Variants in ATP6V0D2 observed in about 807,000 individuals in gnomAD.
ATP6V0D2 encodes ATPase H+ transporting V0 subunit d2.
Under a neutral mutation model 40.0 loss-of-function variants are expected in ATP6V0D2, and 40 were observed. That is an observed-to-expected ratio of 1.00 (90% CI 0.78 to 1.30). ATP6V0D2 has a LOEUF of 1.30. ATP6V0D2 is among the 50% of genes most tolerant of loss of function. The pLI, the probability that ATP6V0D2 is intolerant of heterozygous loss-of-function variation, is 0.00. For synonymous variants in ATP6V0D2, 179 were observed against 156.3 expected (o/e 1.15, Z -1.08); for missense variants, 470 against 423.1 (o/e 1.11, Z -0.97).
intron 1 of ATP6V0D2, among the ~76,000 whole-genome samples, chr8:86,101,862 C>G (rs897005521): frequency 6.6e-6 from 1 of 152,204 alleles, no homozygotes. Context: ...CTAACTCTCT[C>G]TCTTCCCAAT....
chr8:86,104,879 A>ACAC (rs61589485), intron 1 of ATP6V0D2, among the ~76,000 whole-genome samples: 2 of 150,644 alleles, frequency 1.3e-5, no homozygotes, highest in African/African-American at 4.9e-5. Context: ...ACACACACAC[A>ACAC]TCAAGAGCTT....
Position 86,116,475 on chromosome 8 carries a change from G to A in ATP6V0D2, c.302+2595G>A, listed in dbSNP as rs150911272. ...CTCACCTTGGCCTCCCAAAGTGCTG[G>A]GATTATAGACGTGCACCATCATGCC... On this transcript the variant is annotated intron_variant, in intron 2 of 7. Transcript: ENST00000285393. Among the ~76,000 whole-genome samples the A allele has an allele frequency of 2.0e-5, 3 of 152,106 alleles. No individual in the cohort carries two copies. The East Asian group carries it at 5.8e-4, about 29-fold the overall frequency.
Position 86,134,193 on chromosome 8 carries a change from A to G in ATP6V0D2, c.303-5264A>G, listed in dbSNP as rs908735823. On this transcript the variant is annotated intron_variant, in intron 2 of 7. Transcript: ENST00000285393. ...TTTTCAAGCACTAAAGACAAGAAAAAAAAATAGCATTTTGTATTCAGTGAA... is the reference window on the plus strand; with the variant it reads ...TTTTCAAGCACTAAAGACAAGAAAAGAAAATAGCATTTTGTATTCAGTGAA... Among the ~76,000 whole-genome samples the G allele has an allele frequency of 2.0e-5, 3 of 152,300 alleles. No individual in the cohort carries two copies. In the East Asian group the frequency reaches 5.8e-4, roughly 29 times the overall value.
intron 4 of ATP6V0D2, among the ~76,000 whole-genome samples, chr8:86,142,031 T>C (rs139633615): frequency 6.6e-6 from 1 of 152,218 alleles, no homozygotes; most frequent in Non-Finnish European, 1.5e-5. Flanking sequence ...ATAATGTGAC[T>C]GTCTGGACTG....
chr8:86,126,332 G>A (rs868609353), intron 2 of ATP6V0D2, among the ~76,000 whole-genome samples: 5 of 147,668 alleles, frequency 3.4e-5, no homozygotes, highest in South Asian at 2.2e-4. Context: ...TTAAGTAAAC[G>A]TGTGCCTTGG....
chr8:86,126,020 C>A (rs1026152819), intron 2 of ATP6V0D2, among the ~76,000 whole-genome samples: 3 of 150,046 alleles, frequency 2.0e-5, no homozygotes, highest in Non-Finnish European at 4.4e-5. Context: ...TCACTGCAAC[C>A]TCCACCTCCT....
intron 2 of ATP6V0D2, among the ~76,000 whole-genome samples, chr8:86,126,018 A>G (rs2130254167): frequency 6.7e-6 from 1 of 149,418 alleles, no homozygotes; most frequent in East Asian, 2.0e-4. Context: ...GCTCACTGCA[A>G]CCTCCACCTC....
At chr8:86,113,471 G>A (rs1181187539) in intron 1 of ATP6V0D2, among the ~76,000 whole-genome samples, 1 of 152,172 alleles carries the variant, frequency 6.6e-6, no homozygotes, top group Non-Finnish European at 1.5e-5. Context: ...TACAGAGGGA[G>A]ACTCCCTCTC....
intron 1 of ATP6V0D2, among the ~76,000 whole-genome samples, chr8:86,110,548 C>A (rs749272834): frequency 6.6e-6 from 1 of 152,136 alleles, no homozygotes; most frequent in Non-Finnish European, 1.5e-5. Context: ...GAGTCTGCTG[C>A]GAGTTGGAAG....
At chr8:86,130,894 G>C (rs2130259815) in intron 2 of ATP6V0D2, among the ~76,000 whole-genome samples, 1 of 152,074 alleles carries the variant, frequency 6.6e-6, no homozygotes, top group East Asian at 1.9e-4. Flanking sequence ...TGTTCTCAAG[G>C]TCTGGGTTTA....
At chr8:86,133,237 C>T (rs974437274) in intron 2 of ATP6V0D2, among the ~76,000 whole-genome samples, 4 of 148,276 alleles carry the variant, frequency 2.7e-5, no homozygotes, top group African/African-American at 7.4e-5. Context: ...CCAATGGGCA[C>T]ATACAAAAAT....
At chr8:86,108,060 G>A (rs1046743227) in intron 1 of ATP6V0D2, among the ~76,000 whole-genome samples, 1 of 152,164 alleles carries the variant, frequency 6.6e-6, no homozygotes, top group Non-Finnish European at 1.5e-5. Flanking sequence ...GGAGATAGGT[G>A]GGTACAATTG....
intron 1 of ATP6V0D2, among the ~76,000 whole-genome samples, chr8:86,101,096 G>C (rs1818390402): frequency 6.7e-6 from 1 of 148,482 alleles, no homozygotes. Flanking sequence ...GCAGTGAGCT[G>C]AGATCATGCC....
chr8:86,111,748 T>G (rs1818529797), intron 1 of ATP6V0D2, among the ~76,000 whole-genome samples: 1 of 152,168 alleles, frequency 6.6e-6, no homozygotes, highest in Non-Finnish European at 1.5e-5. Context: ...GTTCTTAATC[T>G]TTCTCCCCTC....
At chr8:86,133,314 GTCT>G (rs1818851586) in intron 2 of ATP6V0D2, among the ~76,000 whole-genome samples, 1 of 120,650 alleles carries the variant, frequency 8.3e-6, no homozygotes, top group African/African-American at 3.2e-5. Context: ...CAAACAGAAA[GTCT>G]TTTTTTTTTT....
At chr8:86,142,444 A>G (rs1818987681) in intron 4 of ATP6V0D2, among the ~76,000 whole-genome samples, 1 of 152,224 alleles carries the variant, frequency 6.6e-6, no homozygotes, top group African/African-American at 2.4e-5. Context: ...AAACTCAGGC[A>G]GTCTGACCCT....
chr8:86,104,379 G>C (rs1818440498), intron 1 of ATP6V0D2, among the ~76,000 whole-genome samples: 1 of 152,024 alleles, frequency 6.6e-6, no homozygotes, highest in South Asian at 2.1e-4. Context: ...TCACATAATG[G>C]AATATTCTGC....
chr8:86,130,938 T>C (rs1215603765), intron 2 of ATP6V0D2, among the ~76,000 whole-genome samples: 2 of 152,078 alleles, frequency 1.3e-5, no homozygotes, highest in African/African-American at 4.8e-5. Context: ...TCAGTACTTG[T>C]AAGCACATCA....
At chr8:86,110,820 G>A (rs539193272) in intron 1 of ATP6V0D2, among the ~76,000 whole-genome samples, 6 of 152,168 alleles carry the variant, frequency 3.9e-5, no homozygotes, top group Non-Finnish European at 7.4e-5. Flanking sequence ...AGGGACTCAC[G>A]GTAAGATTCT....
Sources: allele counts gnomAD v4.1 joint callset (sites outside exome capture counted in the v4.1 genomes callset), GRCh38; gene constraint gnomAD v4.1.1; transcripts MANE v1.5; gene names NCBI Gene and HGNC (gene_info 2026-07-23, HGNC 2026-07-21).